PCSK5: variants seen among roughly 807,000 people sequenced by gnomAD.
The protein encoded by PCSK5 is proprotein convertase subtilisin/kexin type 5.
A neutral mutation model predicts 233.2 loss-of-function variants in PCSK5; 129 were observed. The ratio of observed to expected loss-of-function variants is 0.55; its 90% CI spans 0.48 to 0.64. PCSK5 has a LOEUF of 0.64. Among genes scored for constraint, PCSK5 ranks in the 30% least tolerant of loss-of-function variants. The probability of loss-of-function intolerance (pLI) is 0.00; values close to 1 mark genes in which losing one functional copy is unlikely to be tolerated. For synonymous variants in PCSK5, 825 were observed against 879.2 expected (o/e 0.94, Z 1.09); for missense variants, 2,076 against 2,430.1 (o/e 0.85, Z 3.06).
chr9:76,114,595 A>G (rs1832352965), intron 9 of PCSK5, among the ~76,000 whole-genome samples: 1 of 152,148 alleles, frequency 6.6e-6, no homozygotes, highest in Non-Finnish European at 1.5e-5. Context: ...CTATGTGAGA[A>G]AACTAAGAAA....
At chr9:76,171,066 C>T (rs1428645316) in intron 13 of PCSK5, among the ~76,000 whole-genome samples, 1 of 152,190 alleles carries the variant, frequency 6.6e-6, no homozygotes, top group Non-Finnish European at 1.5e-5. Context: ...CTCCAGAATG[C>T]AGCCTGAATA....
At chr9:76,297,132 G>A (rs1233143552) in intron 27 of PCSK5, among the ~76,000 whole-genome samples, 1 of 152,170 alleles carries the variant, frequency 6.6e-6, no homozygotes, top group Non-Finnish European at 1.5e-5. Flanking sequence ...TTCTACCTGG[G>A]TGAAGCAGGC....
chr9:76,357,144 C>G (rs1383681631), intron 37 of PCSK5, among the ~76,000 whole-genome samples: 1 of 152,208 alleles, frequency 6.6e-6, no homozygotes, highest in Non-Finnish European at 1.5e-5. Context: ...TCTTTCCTTC[C>G]ATGAAACTGT....
At chr9:76,168,222 G>A (rs1416211801) in intron 12 of PCSK5, among the ~76,000 whole-genome samples, 2 of 152,116 alleles carry the variant, frequency 1.3e-5, no homozygotes, top group South Asian at 2.1e-4. Flanking sequence ...CATGATCTAG[G>A]CTCACTGCAA....
chr9:76,090,122 C>G (rs1831225207), intron 7 of PCSK5, among the ~76,000 whole-genome samples: 1 of 152,134 alleles, frequency 6.6e-6, no homozygotes, highest in African/African-American at 2.4e-5. Flanking sequence ...TAGCCAATTG[C>G]AATCACACTA....
chr9:76,220,687 T>C (rs957604174), intron 20 of PCSK5, among the ~76,000 whole-genome samples: 1 of 152,142 alleles, frequency 6.6e-6, no homozygotes, highest in Non-Finnish European at 1.5e-5. Flanking sequence ...AGCAAAATGT[T>C]TTGAAATATG....
intron 2 of PCSK5, among the ~76,000 whole-genome samples, chr9:75,940,205 G>C (rs961231932): frequency 1.3e-5 from 2 of 152,168 alleles, no homozygotes; most frequent in Non-Finnish European, 2.9e-5. Context: ...GTTATAATCT[G>C]CTTGCCTGTA....
At chr9:76,303,103 G>C (rs1564168367) in intron 28 of PCSK5, among the ~76,000 whole-genome samples, 1 of 151,752 alleles carries the variant, frequency 6.6e-6, no homozygotes, top group Admixed American at 6.6e-5. Context: ...TTGCTGAGGA[G>C]GACTTTATGC....
At chr9:75,891,813 A>T (rs894360975) in intron 1 of PCSK5, among the ~76,000 whole-genome samples, 2 of 151,760 alleles carry the variant, frequency 1.3e-5, no homozygotes, top group African/African-American at 4.8e-5. Context: ...GGGGAAGGGA[A>T]AGCCTTTCCT....
chr9:76,358,720 G>T lies in PCSK5; in HGVS notation c.5462G>T (p.Ser1821Ile), dbSNP rs1830365929. ...DPNKSYSSYK[S>I]SYRESTSFEE... The stretch of plus-strand genomic sequence containing the variant: ...AACAAGTCTTACTCCTCCTATAAGA[G>T]CAGCTATAGAGAGAGCACCAGCTTT... The change falls in exon 38 of 38, where the codon AGC (serine) becomes ATC (isoleucine). Residue 1821 changes from serine to isoleucine, a missense_variant. Coordinates refer to ENST00000674117, the MANE Select transcript of PCSK5 (RefSeq NM_001372043.1). The T allele has an allele frequency of 6.2e-7, 1 of 1,612,870 alleles. No homozygotes were observed. Among genetic ancestry groups the T allele is most frequent in the Non-Finnish European group, 8.5e-7 (1 of 1,179,878 alleles).
rs192850943 is a variant in PCSK5, at chr9:76,128,967, G to A, written c.1209-5142G>A. Among the ~76,000 whole-genome samples, 435 of 152,250 alleles carry A rather than the reference G, an allele frequency of 2.9e-3. 2 individuals carry two copies. Among genetic ancestry groups the A allele is most frequent in the Middle Eastern group, 6.8e-3 (2 of 294 alleles). On this transcript the variant is annotated intron_variant, in intron 9 of 37. Transcript: ENST00000674117. ...GTGGCAGATACTCCTGCTCGCAGTG[G>A]GACTGACAATCTGATGATCCTTTCG...
At chr9:76,300,431 G>T (rs977734936) in intron 27 of PCSK5, among the ~76,000 whole-genome samples, 8 of 152,156 alleles carry the variant, frequency 5.3e-5, no homozygotes, top group African/African-American at 1.9e-4. Flanking sequence ...GTATCAGCTT[G>T]CCCAGATCGT....
chr9:76,133,972 T>A, intron 9 of PCSK5, 137 bp from the exon 10 acceptor site: 1 of 625,892 alleles, frequency 1.6e-6, no homozygotes, highest in Non-Finnish European at 2.8e-6. Flanking sequence ...CATTTGGTTA[T>A]CCCAAACCCA....
At chr9:75,920,839 T>TA (rs936754376) in intron 1 of PCSK5, among the ~76,000 whole-genome samples, 21 of 151,842 alleles carry the variant, frequency 1.4e-4, no homozygotes, top group African/African-American at 5.1e-4. Context: ...AAAAAACAAA[T>TA]AAAAAAATGC....
At position 75,930,023 on chromosome 9, in the gene PCSK5, C is replaced by T. The variant is rs1823708422; in HGVS notation, c.193-2356C>T. 2.0e-5 allele frequency among the ~76,000 whole-genome samples: 3 copies of T among 152,118 alleles called. No homozygotes were observed. In the South Asian group the frequency reaches 6.2e-4, roughly 32 times the overall value. ...GATTACAGGCATGTGCTACCACGCC[C>T]AGCTGATTTTTGTATTTTTAGTAGA... On this transcript the variant is annotated intron_variant, in intron 1 of 37. Coordinates refer to ENST00000674117, the MANE Select transcript of PCSK5 (RefSeq NM_001372043.1).
At chr9:76,212,139 C>G (rs916584183) in intron 20 of PCSK5, among the ~76,000 whole-genome samples, 4 of 152,188 alleles carry the variant, frequency 2.6e-5, no homozygotes, top group African/African-American at 7.2e-5. Context: ...ATGTGCAACT[C>G]TTCCGCCAGA....
chr9:75,958,367 G>A (rs1005509874), intron 2 of PCSK5, among the ~76,000 whole-genome samples: 6 of 152,202 alleles, frequency 3.9e-5, no homozygotes, highest in Non-Finnish European at 5.9e-5. Context: ...CAGCTCAGGG[G>A]AGGAGAATGA....
chr9:75,903,323 A>G, intron 1 of PCSK5, among the ~76,000 whole-genome samples: 1 of 152,000 alleles, frequency 6.6e-6, no homozygotes, highest in African/African-American at 2.4e-5. Flanking sequence ...TGGTAATCTG[A>G]TTGTTAATTG....
At chr9:76,102,890 T>G (rs1831822016) in intron 8 of PCSK5, among the ~76,000 whole-genome samples, 1 of 152,232 alleles carries the variant, frequency 6.6e-6, no homozygotes, top group South Asian at 2.1e-4. Context: ...ATAAATATTG[T>G]GCCTCTTGGT....
Sources: allele counts gnomAD v4.1 joint callset (sites outside exome capture counted in the v4.1 genomes callset), GRCh38; gene constraint gnomAD v4.1.1; transcripts MANE v1.5; gene names NCBI Gene and HGNC (gene_info 2026-07-23, HGNC 2026-07-21).